NUP155: variants seen among roughly 807,000 people sequenced by gnomAD.
NUP155 encodes nuclear pore complex protein Nup155.
In NUP155, 71 loss-of-function variants were observed where a neutral mutation model predicts 180.4. That is an observed-to-expected ratio of 0.39 (90% CI 0.33 to 0.48). The LOEUF is 0.48. Ranked by LOEUF, NUP155 falls within the 20% of genes least tolerant of loss-of-function variation. The pLI, the probability that NUP155 is intolerant of heterozygous loss-of-function variation, is 0.91. For missense variants in NUP155, 1,553 were observed against 1,648.9 expected (o/e 0.94, Z 1.01); for synonymous variants, 582 against 559.5 (o/e 1.04, Z -0.57).
chr5:37,304,895 C>A, intron 26 of NUP155, 52 bp from the exon 27 acceptor site: 1 of 1,532,462 alleles, frequency 6.5e-7, no homozygotes, highest in Non-Finnish European at 9.0e-7. Flanking sequence ...TGTTTCTGGG[C>A]ATCACAACCC....
At chr5:37,327,516 T>C in intron 18 of NUP155, 113 bp downstream of exon 18, 1 of 1,230,950 alleles carries the variant, frequency 8.1e-7, no homozygotes, top group Admixed American at 1.8e-5. Flanking sequence ...ACAAGTGAGC[T>C]AAAACTAAAA....
intron 18 of NUP155, among the ~76,000 whole-genome samples, chr5:37,326,614 G>A (rs1226298632): frequency 1.3e-5 from 2 of 152,218 alleles, no homozygotes; most frequent in Non-Finnish European, 2.9e-5. Flanking sequence ...GCTGGGGGAT[G>A]AGAAACCATG....
intron 21 of NUP155, among the ~76,000 whole-genome samples, chr5:37,316,477 T>C (rs1743892954): frequency 6.6e-6 from 1 of 152,176 alleles, no homozygotes; most frequent in African/African-American, 2.4e-5. Context: ...GTGTTTATTT[T>C]TTTTAAGACA....
At chr5:37,365,374 C>T (rs1747491295) in intron 1 of NUP155, among the ~76,000 whole-genome samples, 1 of 151,994 alleles carries the variant, frequency 6.6e-6, no homozygotes, top group Non-Finnish European at 1.5e-5. Flanking sequence ...GTGATCATTT[C>T]ACATTGCATG....
At chr5:37,337,995 AG>A in intron 11 of NUP155, 77 bp from the exon 12 acceptor site, 1 of 945,804 alleles carries the variant, frequency 1.1e-6, no homozygotes, top group Non-Finnish European at 1.7e-6. Context: ...TTATTAGGTT[AG>A]TGCAAAAGCA....
intron 4 of NUP155, among the ~76,000 whole-genome samples, chr5:37,353,085 A>G (rs952411063): frequency 2.0e-5 from 3 of 151,922 alleles, no homozygotes; most frequent in Non-Finnish European, 4.4e-5. Context: ...CAATCACTTC[A>G]GTATTTAATG....
At position 37,350,245 on chromosome 5, in the gene NUP155, G is replaced by A; in HGVS notation, c.744C>T (p.Ser248=). The change falls in exon 7 of 35, where the codon AGC becomes AGT. Residue 248 remains serine, a synonymous_variant. Coordinates refer to ENST00000231498, the MANE Select transcript of NUP155 (RefSeq NM_153485.3). Reference sequence around the variant, plus strand: ...AGTGGTTTATTTTCCTACATCTTTGGCTAAACCACCCTGCTTCAGCCTTAA... The same window carrying A: ...AGTGGTTTATTTTCCTACATCTTTGACTAAACCACCCTGCTTCAGCCTTAA... ...VAYQAEAGWF[S]QRCRKINHSK... is the part of the protein sequence containing the mutation. 6.2e-7 allele frequency: 1 copy of A among 1,613,516 alleles called. No homozygotes were observed.
rs1283348358 is a variant in NUP155 at position 37,301,225 on chromosome 5, T to C, written c.3561+212A>G. 16 of 498,518 alleles carry C rather than the reference T, an allele frequency of 3.2e-5. No individual in the cohort carries two copies. The Admixed American group carries it at 5.2e-4, about 16-fold the overall frequency. 30.9% of individuals were successfully genotyped at this position (498,518 alleles called of 1,614,324 possible). On this transcript the variant is annotated intron_variant, in intron 30 of 34. Transcript: ENST00000231498. Reference sequence around the variant, plus strand: ...TCATGCGAGGATGATAGGTTCTTTGTAGCTACTGGCCTGGAAAGAGTAGCT... The same window carrying C: ...TCATGCGAGGATGATAGGTTCTTTGCAGCTACTGGCCTGGAAAGAGTAGCT...
At chr5:37,342,065 A>G (rs1745762289) in intron 10 of NUP155, among the ~76,000 whole-genome samples, 1 of 152,068 alleles carries the variant, frequency 6.6e-6, no homozygotes, top group African/African-American at 2.4e-5. Context: ...TTGAGAAAAG[A>G]TCTTGCCCTA....
chr5:37,366,662 CTTT>C (rs34947301), intron 1 of NUP155, among the ~76,000 whole-genome samples: 28 of 119,276 alleles, frequency 2.3e-4, no homozygotes, highest in East Asian at 2.5e-4. Context: ...TAGTCTCAAT[CTTT>C]TTTTTTTTTT....
Position 37,343,657 on chromosome 5 carries a change from G to A in NUP155, c.996-1011C>T, listed in dbSNP as rs1387050841. 5.3e-5 allele frequency among the ~76,000 whole-genome samples: 8 copies of A among 152,016 alleles called. No individual in the cohort carries two copies. The South Asian group carries it at 6.2e-4, about 12-fold the overall frequency. On this transcript the variant is annotated intron_variant, in intron 9 of 34. Coordinates refer to ENST00000231498, the MANE Select transcript of NUP155 (RefSeq NM_153485.3). ...TGTAATTCCAGCACTTTGGGAAGCCGAGACGGGCAGATAACCTGAGGTCAA... is the reference window on the plus strand; with the variant it reads ...TGTAATTCCAGCACTTTGGGAAGCCAAGACGGGCAGATAACCTGAGGTCAA...
chr5:37,366,621 T>C (rs1289627058), intron 1 of NUP155, among the ~76,000 whole-genome samples: 2 of 150,822 alleles, frequency 1.3e-5, no homozygotes, highest in African/African-American at 4.9e-5. Context: ...GTAGTTTTAA[T>C]AGAGACAAGG....
chr5:37,354,598 A>C (rs1386752217), intron 4 of NUP155, among the ~76,000 whole-genome samples: 1 of 150,482 alleles, frequency 6.6e-6, no homozygotes, highest in Non-Finnish European at 1.5e-5. Context: ...AGCTGGGACT[A>C]CAGGCATGCA....
chr5:37,341,602 G>A (rs536942203), intron 10 of NUP155, among the ~76,000 whole-genome samples: 8 of 152,102 alleles, frequency 5.3e-5, no homozygotes, highest in East Asian at 1.9e-4. Context: ...GTGTAGTGGC[G>A]CGATCTTGGC....
intron 21 of NUP155, among the ~76,000 whole-genome samples, chr5:37,316,988 C>T (rs1414343039): frequency 6.8e-6 from 1 of 147,562 alleles, no homozygotes; most frequent in African/African-American, 2.5e-5. Context: ...ACGGTGAAAC[C>T]CTGTCTCTAC....
In NUP155 at chr5:37,370,993, C is replaced by T; in HGVS notation, c.-16G>A. The stretch of plus-strand genomic sequence containing the variant: ...AAGACGGCATCTCGGAAATCGTAGA[C>T]ACCAGGGTCCAGAAAAAGTCAAAAA... On this transcript the variant is annotated 5_prime_UTR_variant, in exon 1 of 35. Coordinates refer to ENST00000231498, the MANE Select transcript of NUP155 (RefSeq NM_153485.3). 6.2e-7 allele frequency: 1 copy of T among 1,612,926 alleles called. No homozygotes were observed.
In NUP155 at chr5:37,303,242, A is replaced by G. The variant is rs373347335; in HGVS notation, c.3317+18T>C. ...TCAGTTTTGAATCATTCTTCACAAT[A>G]AGAATATTATGCCATACCTATGCAT... On this transcript the variant is annotated intron_variant, in intron 28 of 34. Coordinates refer to ENST00000231498, the MANE Select transcript of NUP155 (RefSeq NM_153485.3). The G allele has an allele frequency of 3.7e-6, 6 of 1,613,296 alleles. No individual in the cohort carries two copies. In the African/African-American group the frequency reaches 8.0e-5, roughly 22 times the overall value.
intron 19 of NUP155, among the ~76,000 whole-genome samples, chr5:37,325,471 C>T (rs758468154): frequency 6.6e-6 from 1 of 152,058 alleles, no homozygotes; most frequent in African/African-American, 2.4e-5. Context: ...CAAACATATA[C>T]ATAAAAGAAT....
rs939757722 is a variant in NUP155 at position 37,305,187 on chromosome 5, G to C, written c.2927C>G (p.Thr976Arg). ...ATTTACCAGTTCTTGAAGTGTGTCT[G>C]TAATGCATTTGTAACTGTTTAATCT... ...QERLNSYKCI[T>R]DTLQELVNQS... Residue 976 changes from threonine to arginine, a missense_variant, in exon 26 of 35, where the codon ACA becomes AGA. Physicochemically the swap from Thr to Arg is moderately conservative, Grantham distance 71. Coordinates refer to ENST00000231498, the MANE Select transcript of NUP155 (RefSeq NM_153485.3). 2 of 1,613,024 alleles carry C rather than the reference G, an allele frequency of 1.2e-6. No individual in the cohort carries two copies. Among genetic ancestry groups the C allele is most frequent in the Non-Finnish European group, 1.7e-6 (2 of 1,179,424 alleles).
Sources: gnomAD v4.1 joint callset for allele counts (sites outside exome capture counted in the v4.1 genomes callset) on GRCh38, gnomAD v4.1.1 for gene constraint, MANE v1.5 for transcripts, NCBI Gene and HGNC (gene_info 2026-07-23, HGNC 2026-07-21) for gene names.